The following USP34 variants were observed in gnomAD, a reference collection of about 807,000 sequenced individuals.
USP34 encodes ubiquitin specific peptidase 34.
In USP34, 70 loss-of-function variants were observed where a neutral mutation model predicts 460.3. The observed-to-expected ratio is 0.15, with a 90% CI of 0.13 to 0.19. The LOEUF (loss-of-function observed/expected upper bound fraction) is 0.19. USP34 is among the 10% of genes least tolerant of loss of function. USP34 has a pLI of 1.00. For missense variants in USP34, 3,985 were observed against 4,236.2 expected, an observed-to-expected ratio of 0.94 and a Z score of 1.65; for synonymous variants, 1,647 against 1,405.3, an observed-to-expected ratio of 1.17 and a Z score of -3.85.
chr2:61,225,813 A>T (rs1367483489), intron 62 of USP34, among the ~76,000 whole-genome samples: 1 of 152,216 alleles, frequency 6.6e-6, no homozygotes, highest in Non-Finnish European at 1.5e-5. Context: ...TTGTTGATTC[A>T]TTAACGTTTA....
chr2:61,222,519 A>G, intron 65 of USP34, 100 bp downstream of exon 65: 1 of 879,528 alleles, frequency 1.1e-6, no homozygotes, highest in Non-Finnish European at 1.8e-6. Context: ...TATGGGAGAA[A>G]CCCTGATAAA....
intron 27 of USP34, among the ~76,000 whole-genome samples, chr2:61,303,925 T>C (rs1389517473): frequency 3.3e-5 from 5 of 151,894 alleles, no homozygotes; most frequent in Non-Finnish European, 7.4e-5. Flanking sequence ...TTTTGAGGAG[T>C]CTCGCTCTGT....
intron 1 of USP34, among the ~76,000 whole-genome samples, chr2:61,428,224 T>C (rs943620839): frequency 1.4e-5 from 2 of 145,478 alleles, no homozygotes; most frequent in African/African-American, 5.1e-5. Context: ...TTTCTGAGTA[T>C]GAGTTTCTAA....
At chr2:61,251,063 G>A (rs564311995) in intron 48 of USP34, among the ~76,000 whole-genome samples, 4 of 152,148 alleles carry the variant, frequency 2.6e-5, no homozygotes, top group African/African-American at 4.8e-5. Flanking sequence ...GCGTGGACCC[G>A]GGAGGCGGAG....
chr2:61,443,491 G>A (rs1162879295), intron 1 of USP34, among the ~76,000 whole-genome samples: 1 of 42,230 alleles, frequency 2.4e-5, no homozygotes, highest in African/African-American at 2.2e-4. Context: ...CAGCAGATGT[G>A]TTAAAAAAAA....
chr2:61,259,367 T>C (rs556148230), intron 44 of USP34, among the ~76,000 whole-genome samples: 28 of 152,128 alleles, frequency 1.8e-4, no homozygotes, highest in African/African-American at 6.5e-4. Context: ...TGTCACAGGG[T>C]ACACCTAATT....
intron 23 of USP34, among the ~76,000 whole-genome samples, chr2:61,315,621 C>T (rs545487420): frequency 2.0e-5 from 3 of 152,120 alleles, no homozygotes; most frequent in Non-Finnish European, 4.4e-5. Context: ...CTGATCCACC[C>T]GCCTCAGCCT....
At chr2:61,387,615 T>C (rs1693193223) in intron 5 of USP34, among the ~76,000 whole-genome samples, 1 of 146,836 alleles carries the variant, frequency 6.8e-6, no homozygotes, top group Admixed American at 6.9e-5. Flanking sequence ...ATATATAAAA[T>C]ATATATTTTT....
chr2:61,221,279 G>C (rs1313396068), intron 66 of USP34, among the ~76,000 whole-genome samples: 1 of 152,148 alleles, frequency 6.6e-6, no homozygotes, highest in Non-Finnish European at 1.5e-5. Context: ...TTGGAGGGTA[G>C]GGGAATGAAA....
At chr2:61,232,860 T>TCCC (rs1165219820) in intron 57 of USP34, among the ~76,000 whole-genome samples, 26 of 66,438 alleles carry the variant, frequency 3.9e-4, no homozygotes, top group African/African-American at 6.6e-4. Flanking sequence ...ATATATATAT[T>TCCC]CCCCCCCCCC....
In USP34 at chr2:61,188,648, T is replaced by C. The variant is rs201128251; in HGVS notation, c.10095A>G (p.Val3365=). The change falls in exon 80 of 80, where the codon GTA becomes GTG. Residue 3365 remains valine, a synonymous_variant. Transcript: ENST00000398571. The part of the protein sequence containing the change: ...RRVSSDEEHT[V]DSCISDMKTE... ...TTTTCATGTCACTGATGCAGCTGTCTACAGTGTGCTCCTCATCACTGCTAA... is the reference window on the plus strand; with the variant it reads ...TTTTCATGTCACTGATGCAGCTGTCCACAGTGTGCTCCTCATCACTGCTAA... 16 of 1,614,186 alleles carry C rather than the reference T, an allele frequency of 9.9e-6. No homozygotes were observed. The East Asian group carries it at 3.3e-4, about 34-fold the overall frequency.
chr2:61,437,817 A>ATAAATAAC (rs1553391325), intron 1 of USP34, among the ~76,000 whole-genome samples: 4 of 149,682 alleles, frequency 2.7e-5, no homozygotes, highest in Admixed American at 1.3e-4. Flanking sequence ...AAATAAATAA[A>ATAAATAAC]AAACCTGAAC....
intron 1 of USP34, among the ~76,000 whole-genome samples, chr2:61,434,147 G>A (rs1036886304): frequency 2.0e-5 from 3 of 152,124 alleles, no homozygotes; most frequent in Non-Finnish European, 4.4e-5. Context: ...CCCTTACTCA[G>A]TGCCTAAGAA....
intron 27 of USP34, among the ~76,000 whole-genome samples, chr2:61,303,628 G>A (rs1020642181): frequency 1.8e-4 from 27 of 150,426 alleles, no homozygotes; most frequent in Admixed American, 1.4e-3. Flanking sequence ...ACAGAGTCTC[G>A]CTCTGTCGCC....
At chr2:61,324,796 A>G (rs1360466587) in intron 21 of USP34, among the ~76,000 whole-genome samples, 2 of 152,166 alleles carry the variant, frequency 1.3e-5, no homozygotes, top group African/African-American at 2.4e-5. Flanking sequence ...AAGGTCTTAT[A>G]GAACTAAAAA....
chr2:61,408,185 G>T (rs1204294359), intron 2 of USP34, among the ~76,000 whole-genome samples: 1 of 152,036 alleles, frequency 6.6e-6, no homozygotes, highest in Admixed American at 6.6e-5. Flanking sequence ...AGCCAACTTG[G>T]AAGTATATCC....
intron 3 of USP34, among the ~76,000 whole-genome samples, chr2:61,405,355 T>A (rs1228654058): frequency 6.6e-6 from 1 of 152,064 alleles, no homozygotes; most frequent in Non-Finnish European, 1.5e-5. Flanking sequence ...CAAATTCTGA[T>A]CTGTAGACTG....
intron 27 of USP34, among the ~76,000 whole-genome samples, chr2:61,304,513 T>C (rs537333845): frequency 2.6e-5 from 4 of 152,332 alleles, no homozygotes; most frequent in African/African-American, 7.2e-5. Context: ...TGGAGGTTAT[T>C]AGATATCAGG....
rs201497693 is a variant in USP34, at chr2:61,248,570, C to A, written c.6335G>T (p.Arg2112Leu). The A allele has an allele frequency of 1.2e-6, 2 of 1,608,876 alleles. No individual in the cohort carries two copies. The highest frequency in any genetic ancestry group is 8.5e-7 in the Non-Finnish European group (1 of 1,176,572). ...KVNTHFSFPL[R>L]LDMTPYTEDF... ...TTCTGTATAGGGCGTCATGTCCAAA[C>A]GTAATGGGAAGGAAAAGTGTGTATT... Residue 2112 changes from arginine to leucine, a missense_variant, in exon 49 of 80, where the codon CGT (arginine) becomes CTT (leucine). Coordinates refer to ENST00000398571, the MANE Select transcript of USP34 (RefSeq NM_014709.4).
Sources: allele counts gnomAD v4.1 joint callset (sites outside exome capture counted in the v4.1 genomes callset), GRCh38; gene constraint gnomAD v4.1.1; transcripts MANE v1.5; gene names NCBI Gene and HGNC (gene_info 2026-07-23, HGNC 2026-07-21).